KLHDC10: variants seen among roughly 807,000 people sequenced by gnomAD.
KLHDC10 encodes kelch domain-containing protein 10.
In KLHDC10, 24 loss-of-function variants were observed where a neutral mutation model predicts 56.1. The ratio of observed to expected loss-of-function variants is 0.43; its 90% CI spans 0.31 to 0.60. The LOEUF (loss-of-function observed/expected upper bound fraction) is 0.60. Ranked by LOEUF, KLHDC10 falls within the 20% of genes least tolerant of loss-of-function variation. The pLI, the probability that KLHDC10 is intolerant of heterozygous loss-of-function variation, is 0.11. For synonymous variants in KLHDC10, 188 were observed against 207.1 expected, an observed-to-expected ratio of 0.91 and a Z score of 0.79; for missense variants, 349 against 567.0, an observed-to-expected ratio of 0.62 and a Z score of 3.91.
chr7:130,106,464 A>G (rs534115421), intron 2 of KLHDC10, among the ~76,000 whole-genome samples: 1 of 152,370 alleles, frequency 6.6e-6, no homozygotes, highest in South Asian at 2.1e-4. Context: ...TAAAAAATAC[A>G]TAAGATTGCA....
At chr7:130,098,784 CAA>C in intron 2 of KLHDC10, among the ~76,000 whole-genome samples, 1 of 151,930 alleles carries the variant, frequency 6.6e-6, no homozygotes, top group Middle Eastern at 3.4e-3. Flanking sequence ...ACATAAAAAA[CAA>C]ATAGTGACAT....
intron 1 of KLHDC10, among the ~76,000 whole-genome samples, chr7:130,090,559 G>A (rs1476779465): frequency 7.9e-5 from 12 of 151,426 alleles, no homozygotes; most frequent in Admixed American, 2.0e-4. Context: ...CTGCACTCTT[G>A]CCTGGGTGAC....
intron 2 of KLHDC10, among the ~76,000 whole-genome samples, chr7:130,109,774 G>A (rs1279345079): frequency 6.6e-6 from 1 of 152,152 alleles, no homozygotes; most frequent in African/African-American, 2.4e-5. Context: ...GAGTAGCTGG[G>A]ATCACAGGTG....
chr7:130,097,070 T>G (rs1795859849), intron 2 of KLHDC10, 63 bp downstream of exon 2: 5 of 1,142,336 alleles, frequency 4.4e-6, no homozygotes, highest in Admixed American at 2.2e-5. Flanking sequence ...TGAATGAATT[T>G]TCTAAGCTCA....
chr7:130,098,816 A>G (rs60096010), intron 2 of KLHDC10, among the ~76,000 whole-genome samples: 2,076 of 152,268 alleles, frequency 0.014, 47 homozygotes, highest in African/African-American at 0.047. Flanking sequence ...TATCTGTATG[A>G]TGGGGATTTT....
intron 2 of KLHDC10, among the ~76,000 whole-genome samples, chr7:130,102,079 C>G (rs1240881322): frequency 6.7e-6 from 1 of 148,872 alleles, no homozygotes; most frequent in African/African-American, 2.5e-5. Flanking sequence ...GAGAGGAGAA[C>G]AAGAAGAGGA....
chr7:130,120,942 T>A lies in KLHDC10; in HGVS notation c.630+39T>A. 6.3e-7 allele frequency: 1 copy of A among 1,592,534 alleles called. No individual in the cohort carries two copies. Among genetic ancestry groups the A allele is most frequent in the East Asian group, 2.2e-5 (1 of 44,544 alleles). Reference sequence around the variant, plus strand: ...GCCAGTCATGGTGTATTTGTTCATATTTTTCTAGTCTGGGGATGGTGTTAG... The same window carrying A: ...GCCAGTCATGGTGTATTTGTTCATAATTTTCTAGTCTGGGGATGGTGTTAG... On this transcript the variant is annotated intron_variant, in intron 4 of 9. Coordinates refer to ENST00000335420, the MANE Select transcript of KLHDC10 (RefSeq NM_014997.4). This position sits in a 1 kb window ranked among gnomAD's most constrained non-coding sequence, Gnocchi z 5.1.
chr7:130,087,523 TCA>T, intron 1 of KLHDC10, among the ~76,000 whole-genome samples: 1 of 152,134 alleles, frequency 6.6e-6, no homozygotes, highest in African/African-American at 2.4e-5. Flanking sequence ...GTATTATGAC[TCA>T]CAAAAAAATG....
chr7:130,085,227 G>A (rs1270566015), intron 1 of KLHDC10, among the ~76,000 whole-genome samples: 1 of 151,550 alleles, frequency 6.6e-6, no homozygotes, highest in African/African-American at 2.4e-5. Context: ...CAGCTACTAG[G>A]GAGGCTGAGG....
chr7:130,071,391 G>A (rs1326660185), intron 1 of KLHDC10, among the ~76,000 whole-genome samples: 1 of 152,168 alleles, frequency 6.6e-6, no homozygotes, highest in African/African-American at 2.4e-5. Context: ...CAGGATAATG[G>A]TGTCTAGGTT....
intron 3 of KLHDC10, among the ~76,000 whole-genome samples, chr7:130,119,002 A>G (rs1168797965): frequency 1.3e-5 from 2 of 151,848 alleles, no homozygotes; most frequent in Non-Finnish European, 2.9e-5. Flanking sequence ...ACTTGAGGTC[A>G]GGAGTTCGAG....
intron 2 of KLHDC10, among the ~76,000 whole-genome samples, chr7:130,108,673 G>A (rs1435575577): frequency 7.0e-6 from 1 of 143,328 alleles, no homozygotes; most frequent in Non-Finnish European, 1.5e-5. Flanking sequence ...AATGAGCCAA[G>A]ATTGAGTCAT....
At chr7:130,093,319 C>G (rs986723373) in intron 1 of KLHDC10, among the ~76,000 whole-genome samples, 1 of 143,970 alleles carries the variant, frequency 6.9e-6, no homozygotes, top group Non-Finnish European at 1.5e-5. Context: ...GTTCTCCTGC[C>G]CTCAAGCAGT....
rs1165168195 is a variant in KLHDC10, at chr7:130,120,399, C to A, written c.476-350C>A. Among the ~76,000 whole-genome samples the A allele has an allele frequency of 6.6e-6, 1 of 152,136 alleles. No homozygotes were observed. The highest frequency in any genetic ancestry group is 1.9e-4 in the East Asian group (1 of 5,200). On this transcript the variant is annotated intron_variant, in intron 3 of 9. Coordinates refer to ENST00000335420, the MANE Select transcript of KLHDC10 (RefSeq NM_014997.4). This position sits in a 1 kb window ranked among gnomAD's most constrained non-coding sequence, Gnocchi z 5.1. ...GAACTTTGTAGTATAGGCTATGTAT[C>A]CCTTATCTGAAATGCTTGGGACCAG... is the stretch of plus-strand genomic sequence containing the variant.
rs1292651924 is a variant in KLHDC10, at chr7:130,128,919, T to TATATATATATATATATATAC, written c.980-517_980-516insTATATATATATATATATACA. Among the ~76,000 whole-genome samples, 65 of 115,654 alleles carry TATATATATATATATATATAC rather than the reference T, an allele frequency of 5.6e-4. 1 individual carries two copies. The highest frequency in any genetic ancestry group is 1.3e-3 in the African/African-American group (38 of 28,538). 75.9% of individuals were successfully genotyped at this position (115,654 alleles called of 152,430 possible). A position where few individuals can be genotyped will look rare whatever the true frequency, so the allele number is the denominator to read the frequency against. ...ATATATATATATATATATATATATATACATACTAGCCAAAACTTAAAAATC... is the reference window on the plus strand; with the variant it reads ...ATATATATATATATATATATATATATATATATATATATATATATACACATACTAGCCAAAACTTAAAAATC... On this transcript the variant is annotated intron_variant, in intron 8 of 9. Coordinates refer to ENST00000335420, the MANE Select transcript of KLHDC10 (RefSeq NM_014997.4).
chr7:130,109,424 A>G (rs1362917418), intron 2 of KLHDC10, among the ~76,000 whole-genome samples: 3 of 151,740 alleles, frequency 2.0e-5, no homozygotes, highest in Admixed American at 6.6e-5. Flanking sequence ...ATAGGGTTTC[A>G]CTATTTTGCC....
chr7:130,076,923 T>TTAGC (rs1395656486), intron 1 of KLHDC10, among the ~76,000 whole-genome samples: 1 of 152,166 alleles, frequency 6.6e-6, no homozygotes, highest in Non-Finnish European at 1.5e-5. Context: ...TGGCTTAGAA[T>TTAGC]TAGCTAACCA....
chr7:130,122,337 T>G (rs1796258850), intron 5 of KLHDC10, 135 bp downstream of exon 5: 1 of 769,600 alleles, frequency 1.3e-6, no homozygotes, highest in African/African-American at 1.8e-5. Context: ...AGATCTCAGG[T>G]AAATAGTAAA....
At position 130,130,960 on chromosome 7, in the gene KLHDC10, C is replaced by T. The variant is rs767617569; in HGVS notation, c.*214C>T. On this transcript the variant is annotated 3_prime_UTR_variant, in exon 10 of 10. Transcript: ENST00000335420. The surrounding 1 kb of genome is among the most constrained non-coding windows in gnomAD (Gnocchi z 4.2). ...CTTCTTTGCTTCTGTTCCTCCTGACCCATTACATGCACATGTACTCACATA... is the reference window on the plus strand; with the variant it reads ...CTTCTTTGCTTCTGTTCCTCCTGACTCATTACATGCACATGTACTCACATA... 1.1e-5 allele frequency: 6 copies of T among 541,532 alleles called. No homozygotes were observed. The highest frequency in any genetic ancestry group is 2.0e-5 in the Non-Finnish European group (6 of 300,578). The allele number at this position is 541,532 out of a possible 1,614,324, so 33.5% of individuals were successfully genotyped here. A position where few individuals can be genotyped will look rare whatever the true frequency, so the allele number is the denominator to read the frequency against.
Sources: gnomAD v4.1 joint callset for allele counts (sites outside exome capture counted in the v4.1 genomes callset) on GRCh38, gnomAD v4.1.1 for gene constraint, Gnocchi (gnomAD v3.1) non-coding constraint, MANE v1.5 for transcripts, NCBI Gene and HGNC (gene_info 2026-07-23, HGNC 2026-07-21) for gene names.